Variants in ST6GALNAC3 observed in about 807,000 individuals in gnomAD.
ST6GALNAC3 encodes the protein alpha-N-acetylgalactosaminide alpha-2,6-sialyltransferase 3.
Under a neutral mutation model 32.7 loss-of-function variants are expected in ST6GALNAC3, and 25 were observed. The observed-to-expected ratio is 0.76, with a 90% CI of 0.56 to 1.07. ST6GALNAC3 has a LOEUF of 1.07. Among genes scored for constraint, ST6GALNAC3 ranks in the 50% least tolerant of loss-of-function variants. The pLI, the probability that ST6GALNAC3 is intolerant of heterozygous loss-of-function variation, is 0.00. For synonymous variants in ST6GALNAC3, 129 were observed against 133.1 expected (o/e 0.97, Z 0.21); for missense variants, 355 against 382.4 (o/e 0.93, Z 0.60).
chr1:76,502,733 G>A (rs1661246157), intron 3 of ST6GALNAC3, among the ~76,000 whole-genome samples: 1 of 152,106 alleles, frequency 6.6e-6, no homozygotes, highest in Non-Finnish European at 1.5e-5. Context: ...AATTTTAAAA[G>A]GGCACAATTC....
intron 1 of ST6GALNAC3, among the ~76,000 whole-genome samples, chr1:76,089,897 T>C (rs965450969): frequency 2.0e-5 from 3 of 152,194 alleles, no homozygotes; most frequent in Non-Finnish European, 4.4e-5. Flanking sequence ...CTTATGTGAG[T>C]AAACTTTATA....
chr1:76,171,837 A>G (rs1461108290), intron 1 of ST6GALNAC3, among the ~76,000 whole-genome samples: 1 of 144,244 alleles, frequency 6.9e-6, no homozygotes, highest in Non-Finnish European at 1.5e-5. Context: ...AAAAACAAGA[A>G]AAAAAACACA....
chr1:76,141,088 T>C (rs1650292836), intron 1 of ST6GALNAC3, among the ~76,000 whole-genome samples: 1 of 152,132 alleles, frequency 6.6e-6, no homozygotes, highest in South Asian at 2.1e-4. Context: ...CCATGCACCA[T>C]GCTGGGATGT....
At position 76,252,357 on chromosome 1, in the gene ST6GALNAC3, A is replaced by C. The variant is rs112006294; in HGVS notation, c.19-61448A>C. 1.3e-3 allele frequency among the ~76,000 whole-genome samples: 197 copies of C among 152,232 alleles called. 1 individual carries two copies. Among genetic ancestry groups the C allele is most frequent in the African/African-American group, 4.3e-3 (180 of 41,558 alleles). On this transcript the variant is annotated intron_variant, in intron 1 of 4. Transcript: ENST00000328299. ...TATAAATGACCTCCCCCCAACCTTG[A>C]GGGTTTTGTGGGAATAAATAGGATA...
At chr1:76,113,183 A>T (rs982435862) in intron 1 of ST6GALNAC3, among the ~76,000 whole-genome samples, 28 of 152,064 alleles carry the variant, frequency 1.8e-4, no homozygotes, top group African/African-American at 6.3e-4. Flanking sequence ...CAAAAAAAAT[A>T]CGAAAACCAG....
chr1:76,480,814 A>C (rs1190804396), intron 3 of ST6GALNAC3, among the ~76,000 whole-genome samples: 4 of 152,176 alleles, frequency 2.6e-5, no homozygotes, highest in Non-Finnish European at 5.9e-5. Context: ...CAGTAATATC[A>C]ACCACAATCA....
intron 1 of ST6GALNAC3, among the ~76,000 whole-genome samples, chr1:76,264,991 C>CA (rs1366524528): frequency 6.7e-6 from 1 of 149,932 alleles, no homozygotes; most frequent in South Asian, 2.1e-4. Context: ...CTCTGGATTA[C>CA]AAAAAAGTAA....
intron 3 of ST6GALNAC3, among the ~76,000 whole-genome samples, chr1:76,421,112 G>A (rs1166030045): frequency 1.3e-5 from 2 of 152,008 alleles, no homozygotes; most frequent in African/African-American, 4.8e-5. Flanking sequence ...AGTAAAAGAA[G>A]AAATAACACT....
At chr1:76,466,060 C>T (rs1658604877) in intron 3 of ST6GALNAC3, among the ~76,000 whole-genome samples, 1 of 152,070 alleles carries the variant, frequency 6.6e-6, no homozygotes, top group Non-Finnish European at 1.5e-5. Flanking sequence ...AAAGGATGCT[C>T]ATATAAAAAT....
intron 2 of ST6GALNAC3, among the ~76,000 whole-genome samples, chr1:76,352,580 T>G (rs552930493): frequency 1.3e-5 from 2 of 149,766 alleles, no homozygotes; most frequent in African/African-American, 4.9e-5. Flanking sequence ...TTCTTCTCTA[T>G]CTGCATTTTA....
chr1:76,211,965 C>T (rs1413838927), intron 1 of ST6GALNAC3, among the ~76,000 whole-genome samples: 1 of 151,968 alleles, frequency 6.6e-6, no homozygotes, highest in Middle Eastern at 3.2e-3. Flanking sequence ...AAATAAAGTC[C>T]CCATCTCCAA....
At chr1:76,142,457 T>G (rs1301506546) in intron 1 of ST6GALNAC3, among the ~76,000 whole-genome samples, 3 of 152,112 alleles carry the variant, frequency 2.0e-5, no homozygotes, top group African/African-American at 7.2e-5. Context: ...AATTTTCCAT[T>G]CTCAGCACCA....
intron 3 of ST6GALNAC3, among the ~76,000 whole-genome samples, chr1:76,525,211 A>C (rs1662790927): frequency 6.6e-6 from 1 of 152,140 alleles, no homozygotes; most frequent in South Asian, 2.1e-4. Context: ...GCCAAACTTC[A>C]GATACACAGA....
chr1:76,177,074 A>G (rs867099289), intron 1 of ST6GALNAC3, among the ~76,000 whole-genome samples: 3 of 152,356 alleles, frequency 2.0e-5, no homozygotes, highest in Middle Eastern at 3.4e-3. Context: ...GACGTTGTCT[A>G]TTAACAAAAA....
intron 3 of ST6GALNAC3, among the ~76,000 whole-genome samples, chr1:76,611,935 T>A (rs1275720295): frequency 6.6e-6 from 1 of 152,148 alleles, no homozygotes; most frequent in Non-Finnish European, 1.5e-5. Context: ...CAGACGATAT[T>A]GATTTTGTGT....
At chr1:76,350,791 T>C (rs1490636798) in intron 2 of ST6GALNAC3, among the ~76,000 whole-genome samples, 1 of 152,210 alleles carries the variant, frequency 6.6e-6, no homozygotes, top group African/African-American at 2.4e-5. Flanking sequence ...CTTACACTAA[T>C]ATATGGGCTG....
At chr1:76,348,286 A>G (rs1648685495) in intron 2 of ST6GALNAC3, among the ~76,000 whole-genome samples, 1 of 152,190 alleles carries the variant, frequency 6.6e-6, no homozygotes, top group South Asian at 2.1e-4. Context: ...ACCCTGTCTA[A>G]TTTAGTGTCA....
At chr1:76,595,080 A>C (rs950172799) in intron 3 of ST6GALNAC3, among the ~76,000 whole-genome samples, 1 of 152,130 alleles carries the variant, frequency 6.6e-6, no homozygotes, top group Non-Finnish European at 1.5e-5. Context: ...CGAGCAATGG[A>C]TGAAAGGGGT....
At chr1:76,513,691 ATTTTGGTATTTGGTG>A (rs1223770744) in intron 3 of ST6GALNAC3, among the ~76,000 whole-genome samples, 1 of 151,944 alleles carries the variant, frequency 6.6e-6, no homozygotes, top group Non-Finnish European at 1.5e-5. Context: ...GTATTTTGGT[ATTTTGGTATTTGGTG>A]TTTTGATAAG....
Sources: allele counts gnomAD v4.1 joint callset (sites outside exome capture counted in the v4.1 genomes callset), GRCh38; gene constraint gnomAD v4.1.1; transcripts MANE v1.5; gene names NCBI Gene and HGNC (gene_info 2026-07-23, HGNC 2026-07-21).